ATP13A4: variants seen among roughly 807,000 people sequenced by gnomAD.
ATP13A4 encodes probable cation-transporting ATPase 13A4.
ATP13A4 carries 114 observed loss-of-function variants against 142.5 expected under a neutral mutation model. The ratio of observed to expected loss-of-function variants is 0.80; its 90% CI spans 0.69 to 0.93. The LOEUF is 0.93. Among genes scored for constraint, ATP13A4 ranks in the 40% least tolerant of loss-of-function variants. ATP13A4 has a pLI of 0.00. For synonymous variants in ATP13A4, 488 were observed against 514.8 expected (o/e 0.95, Z 0.70); for missense variants, 1,392 against 1,454.0 (o/e 0.96, Z 0.69).
At chr3:193,440,740 G>T in intron 20 of ATP13A4, 103 bp from the exon 21 acceptor site, 1 of 1,241,886 alleles carries the variant, frequency 8.1e-7, no homozygotes, top group Non-Finnish European at 1.1e-6. Context: ...CACTTACGAT[G>T]AAGAAAAAAA....
At chr3:193,528,885 A>G (rs1722158285) in intron 1 of ATP13A4, among the ~76,000 whole-genome samples, 1 of 151,854 alleles carries the variant, frequency 6.6e-6, no homozygotes, top group Admixed American at 6.6e-5. Context: ...CCATTTTTCC[A>G]GGTCAGTGAG....
intron 25 of ATP13A4, among the ~76,000 whole-genome samples, chr3:193,427,959 C>T (rs933949346): frequency 8.6e-5 from 13 of 152,040 alleles, no homozygotes; most frequent in Non-Finnish European, 1.9e-4. Flanking sequence ...TTAAACAAAA[C>T]AGCTTCTACA....
intron 8 of ATP13A4, among the ~76,000 whole-genome samples, chr3:193,471,403 A>C (rs375614992): frequency 1.3e-5 from 2 of 151,864 alleles, no homozygotes; most frequent in South Asian, 2.1e-4. Context: ...ATCTATCTTC[A>C]CCAAAAAATA....
rs762484555 is a variant in ATP13A4, at chr3:193,448,206, C to T, written c.2152G>A (p.Gly718Ser). The change falls in exon 18 of 30, where the codon GGT becomes AGT. Residue 718 changes from glycine (G) to serine (S), a missense_variant and splice_region_variant. Physicochemically the swap from Gly to Ser is moderately conservative, Grantham distance 56. Transcript: ENST00000342695. ...SARIRTVMITGDNLQTAITVA... is the reference protein window; with the variant it reads ...SARIRTVMITSDNLQTAITVA... ...TTTCACTGTATACTTTGTTTCATACCTGTGATCATTACAGTCCTTATCCGG... is the reference window on the plus strand; with the variant it reads ...TTTCACTGTATACTTTGTTTCATACTTGTGATCATTACAGTCCTTATCCGG... 5.6e-6 allele frequency: 9 copies of T among 1,613,878 alleles called. No individual in the cohort carries two copies. The Admixed American group carries it at 1.2e-4, about 21-fold the overall frequency.
intron 25 of ATP13A4, among the ~76,000 whole-genome samples, chr3:193,415,228 C>T (rs1445077637): frequency 6.6e-6 from 1 of 152,158 alleles, no homozygotes; most frequent in Non-Finnish European, 1.5e-5. Context: ...TACATCTATA[C>T]AATGGAACAA....
chr3:193,586,250 C>T (rs940119172), intron 1 of ATP13A4, among the ~76,000 whole-genome samples: 7 of 152,028 alleles, frequency 4.6e-5, no homozygotes, highest in African/African-American at 1.2e-4. Context: ...GTCAGATATA[C>T]GTTCTAAAAA....
At chr3:193,559,023 T>C (rs1215481636), upstream of ATP13A4, among the ~76,000 whole-genome samples, 1 of 152,224 alleles carries the variant, frequency 6.6e-6, no homozygotes, top group Non-Finnish European at 1.5e-5. Context: ...CCAATGGAAA[T>C]AATGGCAGGA....
chr3:193,496,316 A>G (rs1355244127), intron 3 of ATP13A4, among the ~76,000 whole-genome samples: 1 of 152,226 alleles, frequency 6.6e-6, no homozygotes, highest in East Asian at 1.9e-4. Flanking sequence ...ATCTGACTTC[A>G]AATTTCACTA....
chr3:193,469,462 C>T (rs985594260), intron 9 of ATP13A4, among the ~76,000 whole-genome samples: 3 of 152,076 alleles, frequency 2.0e-5, no homozygotes, highest in Admixed American at 1.3e-4. Flanking sequence ...GCCACCTCTA[C>T]TAAAAATACA....
rs1716905284 is a variant in ATP13A4 at position 193,445,635 on chromosome 3, T to C, written c.2152+2571A>G. 2.0e-5 allele frequency among the ~76,000 whole-genome samples: 3 copies of C among 151,788 alleles called. No individual in the cohort carries two copies. In the East Asian group the frequency reaches 5.8e-4, roughly 29 times the overall value. ...AGCTGGGCGTGGTGGTGCACACCTG[T>C]AGTCCCAGCTACTCGGGAGGCTGAA... On this transcript the variant is annotated intron_variant, in intron 18 of 29. Coordinates refer to ENST00000342695, the MANE Select transcript of ATP13A4 (RefSeq NM_032279.4).
intron 1 of ATP13A4, among the ~76,000 whole-genome samples, chr3:193,536,044 A>G (rs1722575255): frequency 6.6e-6 from 1 of 152,170 alleles, no homozygotes; most frequent in South Asian, 2.1e-4. Context: ...CTGAAAAAAA[A>G]GTCTACCAAA....
chr3:193,586,766 T>C (rs1430914465), intron 1 of ATP13A4, among the ~76,000 whole-genome samples: 1 of 152,252 alleles, frequency 6.6e-6, no homozygotes, highest in Non-Finnish European at 1.5e-5. Context: ...AATTGTTTTA[T>C]AATAAGTATT....
At position 193,582,717 on chromosome 3, in the gene ATP13A4, T is replaced by TA. The variant is rs1405164959; in HGVS notation, n.92-812dup. On this transcript the variant is annotated intron_variant and non_coding_transcript_variant, in intron 1 of 3. Transcript: ENST00000489140. ...GTATAACATATATAATATATATGTA[T>TA]ATTACATATATAAAATATATATGTA... Among the ~76,000 whole-genome samples, 13 of 46,970 alleles carry TA rather than the reference T, an allele frequency of 2.8e-4. 5 individuals carry two copies. Among genetic ancestry groups the TA allele is most frequent in the Admixed American group, 1.6e-3 (5 of 3,164 alleles). The allele number at this position is 46,970 out of a possible 152,430, so 30.8% of individuals were successfully genotyped here. A position where few individuals can be genotyped will look rare whatever the true frequency, so the allele number is the denominator to read the frequency against.
intron 25 of ATP13A4, among the ~76,000 whole-genome samples, chr3:193,427,213 G>C (rs1715713442): frequency 6.6e-6 from 1 of 152,014 alleles, no homozygotes; most frequent in Non-Finnish European, 1.5e-5. Context: ...TTGCTTCAAA[G>C]AGAATAAAAT....
intron 17 of ATP13A4, 85 bp downstream of exon 17, chr3:193,454,016 C>T: frequency 8.6e-7 from 1 of 1,169,392 alleles, no homozygotes; most frequent in Non-Finnish European, 1.3e-6. Flanking sequence ...CCCCTAAGTC[C>T]ATCCCAGTCT....
intron 17 of ATP13A4, 81 bp from the exon 18 acceptor site, chr3:193,448,411 A>C: frequency 2.0e-6 from 3 of 1,535,090 alleles, no homozygotes; most frequent in Non-Finnish European, 1.8e-6. Flanking sequence ...TCGCTCTGTC[A>C]TCCAGGCTGG....
intron 11 of ATP13A4, 111 bp from the exon 12 acceptor site, chr3:193,465,239 A>T: frequency 8.5e-7 from 1 of 1,179,550 alleles, no homozygotes; most frequent in East Asian, 2.6e-5. Context: ...CCAGGCTGGA[A>T]TACAGTGGTG....
At chr3:193,478,345 T>C (rs1719089918) in intron 8 of ATP13A4, among the ~76,000 whole-genome samples, 1 of 151,564 alleles carries the variant, frequency 6.6e-6, no homozygotes, top group African/African-American at 2.4e-5. Flanking sequence ...AGCTGGTTCT[T>C]TGAAAAGATA....
At chr3:193,509,034 A>C (rs1335446039) in intron 2 of ATP13A4, among the ~76,000 whole-genome samples, 1 of 151,794 alleles carries the variant, frequency 6.6e-6, no homozygotes, top group Non-Finnish European at 1.5e-5. Context: ...AAAGCTTATA[A>C]TTTTAAAGGA....
Sources: allele counts gnomAD v4.1 joint callset (sites outside exome capture counted in the v4.1 genomes callset), GRCh38; gene constraint gnomAD v4.1.1; transcripts MANE v1.5; gene names NCBI Gene and HGNC (gene_info 2026-07-23, HGNC 2026-07-21).